Variants in PTPRM observed in about 807,000 individuals in gnomAD.
The protein encoded by PTPRM is protein tyrosine phosphatase receptor type M.
A neutral mutation model predicts 186.7 loss-of-function variants in PTPRM; 47 were observed. The ratio of observed to expected loss-of-function variants is 0.25; its 90% confidence interval spans 0.20 to 0.32. PTPRM has a LOEUF of 0.32. Among genes scored for constraint, PTPRM ranks in the 10% least tolerant of loss-of-function variants. The pLI, the probability that PTPRM is intolerant of heterozygous loss-of-function variation, is 1.00. For synonymous variants in PTPRM, 668 were observed against 674.9 expected, an observed-to-expected ratio of 0.99 and a Z score of 0.16; for missense variants, 1,494 against 1,865.0, an observed-to-expected ratio of 0.80 and a Z score of 3.66.
chr18:8,336,757 A>G (rs547376742), intron 22 of PTPRM, among the ~76,000 whole-genome samples: 1 of 152,176 alleles, frequency 6.6e-6, no homozygotes, highest in Admixed American at 6.5e-5. Flanking sequence ...AGGCGGGCAG[A>G]TCATGAGGTC....
intron 29 of PTPRM, among the ~76,000 whole-genome samples, chr18:8,383,866 TA>T (rs1194109462): frequency 1.3e-5 from 2 of 152,092 alleles, no homozygotes; most frequent in Non-Finnish European, 2.9e-5. Context: ...AAGAGTTGTA[TA>T]GCCATCTTGA....
At chr18:8,152,892 AT>A (rs998401031) in intron 14 of PTPRM, among the ~76,000 whole-genome samples, 21 of 151,244 alleles carry the variant, frequency 1.4e-4, no homozygotes, top group Admixed American at 1.4e-3. Flanking sequence ...TAATTTTTGT[AT>A]TTTTAGTAGA....
At position 8,069,943 on chromosome 18, in the gene PTPRM, C is replaced by T. The variant is rs750491747; in HGVS notation, c.1390C>T (p.Pro464Ser). 1 of 1,613,998 alleles carries T rather than the reference C, an allele frequency of 6.2e-7. No homozygotes were observed. Among genetic ancestry groups the T allele is most frequent in the Non-Finnish European group, 8.5e-7 (1 of 1,179,962 alleles). ...CAGTGTGAAACTGATCCTCATGAACCCAGAGGGCCGGAAGGAAAGCCAAGA... is the reference window on the plus strand; with the variant it reads ...CAGTGTGAAACTGATCCTCATGAACTCAGAGGGCCGGAAGGAAAGCCAAGA... ...NVSVKLILMN[P>S]EGRKESQELI... Residue 464 changes from proline to serine, a missense_variant, in exon 8 of 33, where the codon CCA (proline) becomes TCA (serine). Physicochemically the swap from Pro to Ser is moderately conservative, Grantham distance 74. This residue lies in a region of PTPRM where 1,107 missense variants were observed against 1,350.2 expected (regional missense o/e 0.82). Transcript: ENST00000580170.
intron 32 of PTPRM, among the ~76,000 whole-genome samples, chr18:8,400,195 G>C (rs1176229820): frequency 6.6e-6 from 1 of 152,218 alleles, no homozygotes; most frequent in African/African-American, 2.4e-5. Flanking sequence ...CATCTCCTCA[G>C]TGGTTCTCAA....
chr18:7,891,738 G>A (rs113393121), intron 3 of PTPRM, among the ~76,000 whole-genome samples: 6,963 of 152,156 alleles, frequency 0.046, 335 homozygotes, highest in African/African-American at 0.11. Context: ...AGCTGGGCAT[G>A]GTGGTGCGTG....
chr18:8,171,090 A>G (rs1246462275), intron 14 of PTPRM, among the ~76,000 whole-genome samples: 2 of 152,228 alleles, frequency 1.3e-5, no homozygotes, highest in African/African-American at 4.8e-5. Flanking sequence ...AAAAACTGAA[A>G]TATTCCCAAG....
In PTPRM at chr18:8,280,080, G is replaced by T. The variant is rs567173445; in HGVS notation, c.2755-16288G>T. 5.3e-5 allele frequency among the ~76,000 whole-genome samples: 8 copies of T among 152,200 alleles called. No individual in the cohort carries two copies. In the South Asian group the frequency reaches 1.7e-3, roughly 32 times the overall value. ...GAGTGGGAAGTGTACGCATCTGCTAGGGCTGCTAGACTGGGTGGCTCACAC... is the reference window on the plus strand; with the variant it reads ...GAGTGGGAAGTGTACGCATCTGCTATGGCTGCTAGACTGGGTGGCTCACAC... On this transcript the variant is annotated intron_variant, in intron 19 of 32. Coordinates refer to ENST00000580170, the MANE Select transcript of PTPRM (RefSeq NM_001105244.2).
intron 23 of PTPRM, among the ~76,000 whole-genome samples, chr18:8,358,405 G>C (rs1275236216): frequency 6.6e-6 from 1 of 152,184 alleles, no homozygotes; most frequent in African/African-American, 2.4e-5. Flanking sequence ...CTGAATTCTG[G>C]TGAGTTGTCA....
intron 4 of PTPRM, among the ~76,000 whole-genome samples, chr18:7,919,017 C>T (rs557899291): frequency 2.0e-5 from 3 of 152,242 alleles, no homozygotes; most frequent in East Asian, 1.9e-4. Flanking sequence ...ATATTGTTCT[C>T]CTGTTTTCCC....
chr18:8,231,506 GTTTC>G (rs1165768132), intron 14 of PTPRM, among the ~76,000 whole-genome samples: 1 of 152,054 alleles, frequency 6.6e-6, no homozygotes, highest in Non-Finnish European at 1.5e-5. Flanking sequence ...CTTCACCATG[GTTTC>G]TTTATCGGTT....
rs137999701 is a variant in PTPRM, at chr18:7,697,877, T to C, written c.74-76272T>C. On this transcript the variant is annotated intron_variant, in intron 1 of 32. Coordinates refer to ENST00000580170, the MANE Select transcript of PTPRM (RefSeq NM_001105244.2). ...GTTTTTGATACAATGGAAAAGAAAG[T>C]GTTCTCCAGAAAATGCTCCTAAGTT... Among the ~76,000 whole-genome samples, 569 of 152,260 alleles carry C rather than the reference T, an allele frequency of 3.7e-3. 6 individuals are homozygous for C. The highest frequency in any genetic ancestry group is 0.013 in the African/African-American group (555 of 41,562).
At chr18:7,683,991 T>A (rs1289971400) in intron 1 of PTPRM, among the ~76,000 whole-genome samples, 1 of 152,192 alleles carries the variant, frequency 6.6e-6, no homozygotes, top group Non-Finnish European at 1.5e-5. Flanking sequence ...TGCCTTTTCC[T>A]GTGGCTCCCT....
At chr18:8,054,234 A>G (rs1192043955) in intron 7 of PTPRM, among the ~76,000 whole-genome samples, 2 of 148,284 alleles carry the variant, frequency 1.3e-5, no homozygotes, top group Non-Finnish European at 3.0e-5. Flanking sequence ...TTAATAGACA[A>G]TATTTTATTT....
chr18:8,302,358 T>C (rs1260017085), intron 20 of PTPRM, among the ~76,000 whole-genome samples: 1 of 151,866 alleles, frequency 6.6e-6, no homozygotes, highest in Non-Finnish European at 1.5e-5. Context: ...AAAGGAAGGC[T>C]GGGTGGCTGG....
chr18:7,822,019 A>T, intron 2 of PTPRM, among the ~76,000 whole-genome samples: 1 of 152,226 alleles, frequency 6.6e-6, no homozygotes, highest in East Asian at 1.9e-4. Flanking sequence ...GAGGACTACT[A>T]TATTGCCACA....
chr18:8,252,630 C>T lies in PTPRM; in HGVS notation c.2566+131C>T. On this transcript the variant is annotated intron_variant, in intron 18 of 32. Transcript: ENST00000580170. Reference sequence around the variant, plus strand: ...GCATGTTTGCCTTTGTAGAACATTCCATGTGTGATGTGTTGGTCCACAACA... The same window carrying T: ...GCATGTTTGCCTTTGTAGAACATTCTATGTGTGATGTGTTGGTCCACAACA... 3.5e-6 allele frequency: 3 copies of T among 865,014 alleles called. No homozygotes were observed. In the East Asian group the frequency reaches 7.3e-5, roughly 21 times the overall value. The allele number at this position is 865,014 out of a possible 1,614,324, so 53.6% of individuals were successfully genotyped here.
chr18:7,649,928 G>C (rs966763872), intron 1 of PTPRM, among the ~76,000 whole-genome samples: 7 of 151,332 alleles, frequency 4.6e-5, no homozygotes, highest in African/African-American at 1.7e-4. Context: ...TTTAAATTAA[G>C]GTATGTACAT....
chr18:7,643,280 T>G (rs1039264205), intron 1 of PTPRM, among the ~76,000 whole-genome samples: 11 of 152,146 alleles, frequency 7.2e-5, no homozygotes, highest in African/African-American at 2.7e-4. Context: ...TAAAACCCAT[T>G]ATTGGAAAAA....
chr18:8,405,739 T>C (rs1172305537), intron 32 of PTPRM, among the ~76,000 whole-genome samples: 2 of 152,214 alleles, frequency 1.3e-5, no homozygotes, highest in Non-Finnish European at 2.9e-5. Flanking sequence ...TTGTGAGAGA[T>C]GTCAGGAAGG....
Sources: gnomAD v4.1 joint callset for allele counts (sites outside exome capture counted in the v4.1 genomes callset) on GRCh38, gnomAD v4.1.1 for gene constraint, gnomAD v4.1.1 regional missense constraint, MANE v1.5 for transcripts, NCBI Gene and HGNC (gene_info 2026-07-23, HGNC 2026-07-21) for gene names.